DPYD: variants seen among roughly 807,000 people sequenced by gnomAD.
The protein encoded by DPYD is dihydropyrimidine dehydrogenase [NADP(+)].
Under a neutral mutation model 116.2 loss-of-function variants are expected in DPYD, and 109 were observed. The ratio of observed to expected loss-of-function variants is 0.94; its 90% CI spans 0.80 to 1.10. DPYD has a LOEUF of 1.10. Among genes scored for constraint, DPYD ranks in the 50% least tolerant of loss-of-function variants. The probability of loss-of-function intolerance (pLI) is 0.00; values close to 1 mark genes in which losing one functional copy is unlikely to be tolerated. For synonymous variants in DPYD, 440 were observed against 432.0 expected (o/e 1.02, Z -0.23); for missense variants, 1,302 against 1,254.5 (o/e 1.04, Z -0.57).
At chr1:97,214,895 A>G (rs1660272644) in intron 19 of DPYD, among the ~76,000 whole-genome samples, 1 of 152,108 alleles carries the variant, frequency 6.6e-6, no homozygotes, top group Non-Finnish European at 1.5e-5. Flanking sequence ...CTAGAATTTT[A>G]TCTCCCAACA....
At chr1:97,439,212 C>G (rs1286526032) in intron 14 of DPYD, among the ~76,000 whole-genome samples, 1 of 151,950 alleles carries the variant, frequency 6.6e-6, no homozygotes, top group African/African-American at 2.4e-5. Flanking sequence ...TTAACCCTAT[C>G]TGGAGTTCCT....
At chr1:97,388,322 T>C (rs1160309441) in intron 14 of DPYD, among the ~76,000 whole-genome samples, 1 of 152,042 alleles carries the variant, frequency 6.6e-6, no homozygotes, top group Non-Finnish European at 1.5e-5. Flanking sequence ...ACTGGATATA[T>C]GAGTGGAGAA....
chr1:97,563,809 C>T (rs540418230), intron 11 of DPYD, among the ~76,000 whole-genome samples: 2 of 152,274 alleles, frequency 1.3e-5, no homozygotes, highest in African/African-American at 4.8e-5. Flanking sequence ...TGACCTCCAT[C>T]CTCATCACCT....
chr1:97,203,674 CA>C (rs575950598), intron 19 of DPYD, among the ~76,000 whole-genome samples: 1,264 of 18,092 alleles, frequency 0.07, 34 homozygotes, highest in South Asian at 0.092. Context: ...CCCCCCCCCC[CA>C]AAAAAAAAAA....
chr1:97,096,737 C>A (rs956623643), intron 21 of DPYD, among the ~76,000 whole-genome samples: 1 of 152,052 alleles, frequency 6.6e-6, no homozygotes, highest in Non-Finnish European at 1.5e-5. Flanking sequence ...TCTGATAGGA[C>A]AAAAACAGAA....
chr1:97,832,995 GAAAA>G (rs1161903108), intron 2 of DPYD, among the ~76,000 whole-genome samples: 9 of 59,010 alleles, frequency 1.5e-4, no homozygotes, highest in African/African-American at 3.1e-4. Flanking sequence ...AAGAGGCAAA[GAAAA>G]AAAAAAAAAA....
At chr1:97,356,104 CT>C (rs1670414473) in intron 16 of DPYD, among the ~76,000 whole-genome samples, 2 of 152,232 alleles carry the variant, frequency 1.3e-5, no homozygotes, top group African/African-American at 4.8e-5. Context: ...TATCTGTTGT[CT>C]TTTTGATAAC....
chr1:97,345,948 T>A (rs1558044677), intron 16 of DPYD, among the ~76,000 whole-genome samples: 1 of 151,948 alleles, frequency 6.6e-6, no homozygotes, highest in Non-Finnish European at 1.5e-5. Flanking sequence ...AAAATAGGTT[T>A]AAAATTTTGT....
chr1:97,465,653 C>T (rs1677279204), intron 13 of DPYD, among the ~76,000 whole-genome samples: 1 of 152,176 alleles, frequency 6.6e-6, no homozygotes, highest in African/African-American at 2.4e-5. Flanking sequence ...CTTGCTCCTC[C>T]TTGCCTTCTG....
intron 3 of DPYD, among the ~76,000 whole-genome samples, chr1:97,813,366 T>C (rs901349807): frequency 3.3e-5 from 5 of 151,998 alleles, no homozygotes; most frequent in African/African-American, 1.2e-4. Context: ...ATAAACATCA[T>C]CTAAGAGGAT....
intron 19 of DPYD, among the ~76,000 whole-genome samples, chr1:97,215,665 T>A (rs1660329074): frequency 6.6e-6 from 1 of 152,294 alleles, no homozygotes; most frequent in African/African-American, 2.4e-5. Context: ...GCACTTGTAG[T>A]TTCATCCTTG....
intron 4 of DPYD, among the ~76,000 whole-genome samples, chr1:97,729,748 T>C (rs571668978): frequency 1.3e-5 from 2 of 152,274 alleles, no homozygotes; most frequent in African/African-American, 4.8e-5. Flanking sequence ...CTATCCTCCC[T>C]GCTCTATTTA....
At chr1:97,159,945 C>A (rs1247924825) in intron 20 of DPYD, among the ~76,000 whole-genome samples, 1 of 151,968 alleles carries the variant, frequency 6.6e-6, no homozygotes, top group Non-Finnish European at 1.5e-5. Flanking sequence ...TTCTCTCCCT[C>A]CTTCCCTCTC....
chr1:97,688,271 C>G (rs1304738032), intron 7 of DPYD, among the ~76,000 whole-genome samples: 1 of 151,864 alleles, frequency 6.6e-6, no homozygotes, highest in Admixed American at 6.6e-5. Context: ...AAAATATTAA[C>G]TGGATAGGAA....
intron 16 of DPYD, among the ~76,000 whole-genome samples, chr1:97,318,493 C>T (rs141628426): frequency 6.6e-6 from 1 of 151,814 alleles, no homozygotes; most frequent in Non-Finnish European, 1.5e-5. Context: ...AAGGCCATTA[C>T]ATAATGGTAA....
intron 1 of DPYD, among the ~76,000 whole-genome samples, chr1:97,885,179 C>T (rs1672418833): frequency 6.6e-6 from 1 of 151,898 alleles, no homozygotes. Flanking sequence ...CCAAGATCAC[C>T]TTCCAAATCT....
chr1:97,286,164 C>G (rs1040420731), intron 18 of DPYD, among the ~76,000 whole-genome samples: 7 of 152,202 alleles, frequency 4.6e-5, no homozygotes, highest in African/African-American at 1.4e-4. Context: ...GATTTTATTT[C>G]TCCTTCACTT....
At chr1:97,546,121 A>T in intron 12 of DPYD, 2 of 1,423,710 alleles carry the variant, frequency 1.4e-6, no homozygotes, top group Non-Finnish European at 2.0e-6. Flanking sequence ...ACAATGGCTG[A>T]AGTATTTGAA....
intron 7 of DPYD, among the ~76,000 whole-genome samples, chr1:97,683,842 C>A (rs1660562205): frequency 6.6e-6 from 1 of 151,876 alleles, no homozygotes; most frequent in Non-Finnish European, 1.5e-5. Flanking sequence ...AAATACTATC[C>A]TACATAACTG....
Sources: allele counts gnomAD v4.1 joint callset (sites outside exome capture counted in the v4.1 genomes callset), GRCh38; gene constraint gnomAD v4.1.1; transcripts MANE v1.5; gene names NCBI Gene and HGNC (gene_info 2026-07-23, HGNC 2026-07-21).